ST7L: variants seen among roughly 807,000 people sequenced by gnomAD.
ST7L encodes the protein suppressor of tumorigenicity 7 protein-like.
A neutral mutation model predicts 72.5 loss-of-function variants in ST7L; 57 were observed. The ratio of observed to expected loss-of-function variants is 0.79; its 90% confidence interval spans 0.64 to 0.98. The LOEUF (loss-of-function observed/expected upper bound fraction) is 0.98, where lower values mean the gene tolerates loss of function less well. Among genes scored for constraint, ST7L ranks in the 50% least tolerant of loss-of-function variants. The probability of loss-of-function intolerance (pLI) is 0.00; values close to 1 mark genes in which losing one functional copy is unlikely to be tolerated. For missense variants in ST7L, 576 were observed against 672.2 expected (o/e 0.86, Z 1.58); for synonymous variants, 221 against 240.9 (o/e 0.92, Z 0.77).
intron 14 of ST7L, among the ~76,000 whole-genome samples, chr1:112,533,620 T>C (rs1654740391): frequency 6.6e-6 from 1 of 151,314 alleles, no homozygotes; most frequent in Non-Finnish European, 1.5e-5. Flanking sequence ...GGCTGAGTTC[T>C]TTATTTTTAA....
chr1:112,589,031 C>T (rs993413695), intron 6 of ST7L, among the ~76,000 whole-genome samples: 1 of 152,090 alleles, frequency 6.6e-6, no homozygotes, highest in African/African-American at 2.4e-5. Context: ...TGCTGCTGAA[C>T]CCCTATGGTA....
intron 3 of ST7L, among the ~76,000 whole-genome samples, chr1:112,608,352 C>T (rs542662271): frequency 6.6e-6 from 1 of 152,236 alleles, no homozygotes; most frequent in African/African-American, 2.4e-5. Flanking sequence ...TCAAGTATTT[C>T]CTCTGTGATA....
At chr1:112,552,266 C>T (rs77423907) in intron 12 of ST7L, among the ~76,000 whole-genome samples, 10 of 151,994 alleles carry the variant, frequency 6.6e-5, no homozygotes, top group Middle Eastern at 3.4e-3. Context: ...TTTTTCCCCC[C>T]GATCAACATT....
At position 112,606,352 on chromosome 1, in the gene ST7L, C is replaced by G. The variant is rs186758013; in HGVS notation, c.451+4489G>C. On this transcript the variant is annotated intron_variant, in intron 3 of 14. Coordinates refer to ENST00000358039, the MANE Select transcript of ST7L (RefSeq NM_017744.5). ...GTGCCACTTTGCTTAGAAATCTCCT[C>G]AGCTAAATATCCAATGTCATTGCTC... 2.8e-4 allele frequency among the ~76,000 whole-genome samples: 42 copies of G among 152,334 alleles called. 1 individual carries two copies. The highest frequency in any genetic ancestry group is 1.4e-3 in the East Asian group (7 of 5,170).
At chr1:112,619,351 G>T (rs1185130970), upstream of ST7L, 3 of 593,108 alleles carry the variant, frequency 5.1e-6, no homozygotes, top group Non-Finnish European at 6.0e-6. Flanking sequence ...ACTGGACTGA[G>T]ATGTGACCCC....
intron 11 of ST7L, among the ~76,000 whole-genome samples, chr1:112,556,985 C>CAAAAAAAAAA (rs1196828305): frequency 1.2e-5 from 1 of 82,114 alleles, no homozygotes; most frequent in African/African-American, 5.0e-5. Flanking sequence ...AAAAAAAAAA[C>CAAAAAAAAAA]AAAAAAAAAA....
chr1:112,574,251 C>T (rs1453825771), intron 11 of ST7L, among the ~76,000 whole-genome samples: 2 of 147,756 alleles, frequency 1.4e-5, no homozygotes, highest in Admixed American at 1.4e-4. Flanking sequence ...GAGTCTCACT[C>T]TGTCACCCAG....
chr1:112,584,247 A>G, intron 6 of ST7L, 121 bp from the exon 7 acceptor site: 1 of 1,069,684 alleles, frequency 9.3e-7, no homozygotes, highest in African/African-American at 1.6e-5. Flanking sequence ...TTTAGAAAAA[A>G]AAAAACCTTC....
intron 3 of ST7L, among the ~76,000 whole-genome samples, chr1:112,601,407 G>A (rs894725927): frequency 2.6e-5 from 4 of 151,826 alleles, no homozygotes; most frequent in Admixed American, 6.6e-5. Flanking sequence ...CACCACACCC[G>A]GCTAATTTTT....
chr1:112,527,921 G>T (rs1223351872), intron 14 of ST7L: 2 of 152,184 alleles, frequency 1.3e-5, no homozygotes, highest in Non-Finnish European at 2.9e-5. Context: ...AAACTGAAAA[G>T]GTCATCAATA....
intron 3 of ST7L, among the ~76,000 whole-genome samples, chr1:112,602,372 A>C (rs995855902): frequency 6.6e-5 from 10 of 152,174 alleles, no homozygotes; most frequent in Non-Finnish European, 1.5e-4. Context: ...GGTGTCCTTA[A>C]ATTTTGTACA....
chr1:112,588,873 A>G (rs560295205), intron 6 of ST7L, among the ~76,000 whole-genome samples: 2 of 152,126 alleles, frequency 1.3e-5, no homozygotes, highest in Admixed American at 1.3e-4. Context: ...TAATGCATAC[A>G]TTGATATGCG....
In ST7L at chr1:112,577,073, T is replaced by C; in HGVS notation, c.1158A>G (p.Thr386=). Residue 386 remains threonine, a synonymous_variant, in exon 11 of 15, where the codon ACA becomes ACG. Transcript: ENST00000358039. ...CTGTGCTTAATCCTCTTCTGGAGGC[T>C]GTTTCTGGAGAGAATCTACAAGAAA... The part of the protein sequence containing the change: ...RTVSEKFSPE[T]ASRRGLSTAE... 6.3e-7 allele frequency: 1 copy of C among 1,597,676 alleles called. No individual in the cohort carries two copies. The highest frequency in any genetic ancestry group is 8.5e-7 in the Non-Finnish European group (1 of 1,170,848).
intron 11 of ST7L, among the ~76,000 whole-genome samples, chr1:112,567,525 A>AC (rs2101721245): frequency 6.6e-6 from 1 of 151,888 alleles, no homozygotes; most frequent in African/African-American, 2.4e-5. Context: ...ATCTTTCTTT[A>AC]CCCCCAGCTT....
At chr1:112,598,792 G>A (rs1331735468) in intron 4 of ST7L, among the ~76,000 whole-genome samples, 2 of 151,196 alleles carry the variant, frequency 1.3e-5, no homozygotes, top group Non-Finnish European at 3.0e-5. Context: ...AGTGGCTCAC[G>A]CACGCCTTAA....
chr1:112,556,783 C>A (rs1445885594), intron 11 of ST7L, among the ~76,000 whole-genome samples: 1 of 151,808 alleles, frequency 6.6e-6, no homozygotes, highest in African/African-American at 2.4e-5. Context: ...TCCTGACCAA[C>A]ATGGTGAAAC....
At chr1:112,520,981 C>A, downstream of ST7L, 1 of 159,960 alleles carries the variant, frequency 6.3e-6, no homozygotes, top group South Asian at 1.9e-4. Context: ...TACCTGGTAC[C>A]CCGAAAGAAA....
intron 11 of ST7L, among the ~76,000 whole-genome samples, chr1:112,564,452 G>A (rs1660639616): frequency 6.6e-6 from 1 of 152,158 alleles, no homozygotes; most frequent in Non-Finnish European, 1.5e-5. Flanking sequence ...AATGTCAACT[G>A]AGCACCTGTT....
intron 11 of ST7L, among the ~76,000 whole-genome samples, chr1:112,570,566 T>C (rs909333988): frequency 1.1e-3 from 147 of 134,022 alleles, no homozygotes; most frequent in African/African-American, 4.2e-3. Context: ...TATATATATA[T>C]ATATACACAC....
Sources: allele counts gnomAD v4.1 joint callset (sites outside exome capture counted in the v4.1 genomes callset), GRCh38; gene constraint gnomAD v4.1.1; transcripts MANE v1.5; gene names NCBI Gene and HGNC (gene_info 2026-07-23, HGNC 2026-07-21).